Variants in FYB1 observed in about 807,000 individuals in gnomAD.
The protein encoded by FYB1 is FYN binding protein 1.
A neutral mutation model predicts 94.1 loss-of-function variants in FYB1; 41 were observed. The ratio of observed to expected loss-of-function variants is 0.44; its 90% CI spans 0.34 to 0.57. The LOEUF is 0.57. FYB1 is among the 20% of genes least tolerant of loss of function. FYB1 has a pLI of 0.02. For synonymous variants in FYB1, 367 were observed against 353.2 expected (o/e 1.04, Z -0.44); for missense variants, 1,050 against 976.8 (o/e 1.07, Z -1.00).
intron 7 of FYB1, 151 bp downstream of exon 7, chr5:39,137,449 A>G: frequency 1.2e-6 from 1 of 829,392 alleles, no homozygotes; most frequent in Non-Finnish European, 1.8e-6. Flanking sequence ...GGTGTATTGG[A>G]CAAAAAAGTA....
intron 2 of FYB1, among the ~76,000 whole-genome samples, chr5:39,168,989 T>A (rs534153680): frequency 6.6e-6 from 1 of 152,130 alleles, no homozygotes; most frequent in Non-Finnish European, 1.5e-5. Flanking sequence ...AAAAGCAGAG[T>A]TGAGCTTGTT....
intron 1 of FYB1, among the ~76,000 whole-genome samples, chr5:39,213,798 G>C (rs1319763478): frequency 1.3e-5 from 2 of 152,110 alleles, no homozygotes; most frequent in Non-Finnish European, 2.9e-5. Flanking sequence ...AGGGGCCCAG[G>C]ACACCATTCT....
chr5:39,246,791 G>C (rs1266028812), intron 1 of FYB1, among the ~76,000 whole-genome samples: 2 of 152,098 alleles, frequency 1.3e-5, no homozygotes, highest in African/African-American at 4.8e-5. Flanking sequence ...TTATGTTACA[G>C]AGTCACATGA....
chr5:39,114,805 C>T (rs1348396064), intron 16 of FYB1, among the ~76,000 whole-genome samples: 2 of 152,184 alleles, frequency 1.3e-5, no homozygotes, highest in African/African-American at 2.4e-5. Context: ...GCAAGCCCCA[C>T]GCAAGGTGCA....
intron 1 of FYB1, among the ~76,000 whole-genome samples, chr5:39,213,520 G>A (rs770327438): frequency 1.2e-4 from 19 of 152,178 alleles, no homozygotes; most frequent in Non-Finnish European, 2.6e-4. Flanking sequence ...AGATGAGCAA[G>A]GAAACAGAGC....
chr5:39,114,452 C>A (rs1011265329), intron 16 of FYB1, among the ~76,000 whole-genome samples: 2 of 152,134 alleles, frequency 1.3e-5, no homozygotes, highest in African/African-American at 4.8e-5. Flanking sequence ...CTTGCTTTAG[C>A]CTTTAGTTGC....
rs113241046 is a variant in FYB1, at chr5:39,255,430, G to GTTTTTT, written c.-28+18967_-28+18972dup. Among the ~76,000 whole-genome samples, 299 of 142,900 alleles carry GTTTTTT rather than the reference G, an allele frequency of 2.1e-3. 3 individuals are homozygous for GTTTTTT. Among genetic ancestry groups the GTTTTTT allele is most frequent in the African/African-American group, 7.3e-3 (283 of 38,566 alleles). 93.7% of individuals were successfully genotyped at this position (142,900 alleles called of 152,430 possible). On this transcript the variant is annotated intron_variant, in intron 1 of 1. Transcript: ENST00000510188. Reference sequence around the variant, plus strand: ...CATCTCTCCATTTATCCATTCACCTGTTTTTTTTTTTTTGGATGAGTTTCA... The same window carrying GTTTTTT: ...CATCTCTCCATTTATCCATTCACCTGTTTTTTTTTTTTTTTTTTTGGATGAGTTTCA...
At chr5:39,257,729 G>A (rs968875333) in intron 1 of FYB1, among the ~76,000 whole-genome samples, 1 of 151,778 alleles carries the variant, frequency 6.6e-6, no homozygotes, top group Non-Finnish European at 1.5e-5. Context: ...ACCAGCATAA[G>A]TGATGATCAG....
At chr5:39,216,306 A>G (rs779302620) in intron 1 of FYB1, among the ~76,000 whole-genome samples, 1 of 152,248 alleles carries the variant, frequency 6.6e-6, no homozygotes, top group Non-Finnish European at 1.5e-5. Context: ...TTATATTAGC[A>G]TATATTAGAA....
intron 2 of FYB1, among the ~76,000 whole-genome samples, chr5:39,176,267 C>T (rs764376995): frequency 4.0e-5 from 6 of 150,896 alleles, no homozygotes; most frequent in Non-Finnish European, 5.9e-5. Context: ...TCTCCTGCCT[C>T]AGCCTCCCGA....
intron 2 of FYB1, among the ~76,000 whole-genome samples, chr5:39,158,404 G>T (rs1276516994): frequency 2.0e-5 from 3 of 152,124 alleles, no homozygotes; most frequent in Non-Finnish European, 4.4e-5. Context: ...TGAAATGCAG[G>T]CTACCCAAAA....
intron 3 of FYB1, among the ~76,000 whole-genome samples, chr5:39,144,392 G>T (rs1742455102): frequency 6.6e-6 from 1 of 152,180 alleles, no homozygotes; most frequent in African/African-American, 2.4e-5. Flanking sequence ...ATTATAGAGA[G>T]CAATCAGCAA....
At position 39,176,248 on chromosome 5, in the gene FYB1, T is replaced by A. The variant is rs530196002; in HGVS notation, c.1136-22644A>T. 4.9e-5 allele frequency among the ~76,000 whole-genome samples: 7 copies of A among 144,258 alleles called. No individual in the cohort carries two copies. The South Asian group carries it at 1.6e-3, about 33-fold the overall frequency. The allele number at this position is 144,258 out of a possible 152,430, so 94.6% of individuals were successfully genotyped here. A position where few individuals can be genotyped will look rare whatever the true frequency, so the allele number is the denominator to read the frequency against. On this transcript the variant is annotated intron_variant, in intron 2 of 18. Coordinates refer to ENST00000512982, the MANE Select transcript of FYB1 (RefSeq NM_001465.6). ...TTACTGCAACCCCCACCTCCTGGGT[T>A]CAAGTGATTCTCCTGCCTCAGCCTC...
chr5:39,165,049 CAT>C (rs1216254880), intron 2 of FYB1, among the ~76,000 whole-genome samples: 1 of 152,200 alleles, frequency 6.6e-6, no homozygotes, highest in Non-Finnish European at 1.5e-5. Flanking sequence ...CATATACAGA[CAT>C]GTGACAAGAG....
At chr5:39,148,055 A>T (rs1742841611) in intron 3 of FYB1, among the ~76,000 whole-genome samples, 1 of 147,684 alleles carries the variant, frequency 6.8e-6, no homozygotes. Context: ...GAGAATTGTA[A>T]ACCTTAGGGA....
intron 3 of FYB1, among the ~76,000 whole-genome samples, chr5:39,148,790 C>G (rs544912616): frequency 6.6e-6 from 1 of 152,168 alleles, no homozygotes; most frequent in Middle Eastern, 3.4e-3. Flanking sequence ...AACTGTTGAA[C>G]CTTCCCTTTT....
chr5:39,211,995 C>T (rs181855713), intron 1 of FYB1, among the ~76,000 whole-genome samples: 55 of 152,282 alleles, frequency 3.6e-4, no homozygotes, highest in African/African-American at 1.2e-3. Context: ...AAGAACTCAA[C>T]GAGCTAACCA....
chr5:39,150,751 T>G (rs1743179921), intron 3 of FYB1, among the ~76,000 whole-genome samples: 1 of 152,206 alleles, frequency 6.6e-6, no homozygotes, highest in South Asian at 2.1e-4. Context: ...ATATGGACAC[T>G]TCTCACCACC....
At chr5:39,176,327 T>A (rs988838728) in intron 2 of FYB1, among the ~76,000 whole-genome samples, 6 of 151,744 alleles carry the variant, frequency 4.0e-5, no homozygotes, top group Admixed American at 2.0e-4. Flanking sequence ...ATTTTTGCAT[T>A]TTTAGTAGAT....
Sources: gnomAD v4.1 joint callset for allele counts (sites outside exome capture counted in the v4.1 genomes callset) on GRCh38, gnomAD v4.1.1 for gene constraint, MANE v1.5 for transcripts, NCBI Gene and HGNC (gene_info 2026-07-23, HGNC 2026-07-21) for gene names.